Variants in SCRG1 observed in about 807,000 individuals in gnomAD.
SCRG1 encodes scrapie-responsive protein 1.
Under a neutral mutation model 7.7 loss-of-function variants are expected in SCRG1, and 3 were observed. The ratio of observed to expected loss-of-function variants is 0.39; its 90% CI spans 0.18 to 1.01. SCRG1 has a LOEUF of 1.01. Among genes scored for constraint, SCRG1 ranks in the 50% least tolerant of loss-of-function variants. The pLI is 0.36. For missense variants in SCRG1, 110 were observed against 117.2 expected, an observed-to-expected ratio of 0.94 and a Z score of 0.28; for synonymous variants, 46 against 41.2, an observed-to-expected ratio of 1.12 and a Z score of -0.44.
the SCRG1 span, among the ~76,000 whole-genome samples, chr4:173,483,688 T>TGTGATATATCATATATATGATA: frequency 0.042 from 50 of 1,198 alleles, 5 homozygotes; most frequent in African/African-American, 0.044. Flanking sequence ...ATATATTATA[T>TGTGATATATCATATATATGATA]TGTGATATAT....
the SCRG1 span, among the ~76,000 whole-genome samples, chr4:173,492,532 CAA>C: frequency 9.9e-5 from 15 of 152,138 alleles, no homozygotes; most frequent in African/African-American, 2.7e-4. Flanking sequence ...AGTCACGGTT[CAA>C]TACAGGAAAC....
the SCRG1 span, among the ~76,000 whole-genome samples, chr4:173,461,506 G>A: frequency 1.8e-4 from 28 of 152,338 alleles, no homozygotes; most frequent in African/African-American, 5.8e-4. Flanking sequence ...GCATTACTGC[G>A]CTTGGGGTGC....
At chr4:173,425,613 C>T in the SCRG1 span, among the ~76,000 whole-genome samples, 1,220 of 152,280 alleles carry the variant, frequency 8.0e-3, 20 homozygotes, top group African/African-American at 0.027. Flanking sequence ...TCTTTTAGTC[C>T]ACTGGCCCAG....
At chr4:173,483,236 A>T in the SCRG1 span, among the ~76,000 whole-genome samples, 5 of 71,500 alleles carry the variant, frequency 7.0e-5, no homozygotes, top group Admixed American at 9.3e-4. Context: ...ATTATATATA[A>T]TATATGATAT....
chr4:173,485,093 TA>T, the SCRG1 span, among the ~76,000 whole-genome samples: 2 of 11,678 alleles, frequency 1.7e-4, 1 homozygote, highest in Non-Finnish European at 4.0e-4. Flanking sequence ...ATATATTATA[TA>T]TTATATATTA....
the SCRG1 span, among the ~76,000 whole-genome samples, chr4:173,477,317 G>A: frequency 6.6e-6 from 1 of 152,110 alleles, no homozygotes; most frequent in East Asian, 1.9e-4. Flanking sequence ...TTCTTATAAA[G>A]GTGTGACTCA....
chr4:173,407,613 T>C (rs1487061212), upstream of SCRG1, among the ~76,000 whole-genome samples: 1 of 152,220 alleles, frequency 6.6e-6, no homozygotes, highest in East Asian at 1.9e-4. Context: ...AATATCTTTT[T>C]AACATTTATT....
At chr4:173,456,394 T>G in the SCRG1 span, among the ~76,000 whole-genome samples, 1 of 152,212 alleles carries the variant, frequency 6.6e-6, no homozygotes. Context: ...TTTGTGTCAA[T>G]GAATCTGAAG....
At chr4:173,454,033 G>A in the SCRG1 span, among the ~76,000 whole-genome samples, 8 of 150,770 alleles carry the variant, frequency 5.3e-5, no homozygotes, top group East Asian at 1.2e-3. Context: ...AGCCGAGATC[G>A]TGCCACTGCA....
the SCRG1 span, among the ~76,000 whole-genome samples, chr4:173,463,199 G>A: frequency 6.6e-6 from 1 of 152,178 alleles, no homozygotes; most frequent in African/African-American, 2.4e-5. Context: ...TAGGAATAAG[G>A]TTGAAGACCC....
the SCRG1 span, among the ~76,000 whole-genome samples, chr4:173,481,612 C>T: frequency 2.0e-5 from 3 of 152,174 alleles, no homozygotes; most frequent in African/African-American, 7.2e-5. Context: ...GCCTCTGCCA[C>T]CCCTGAGACA....
the SCRG1 span, among the ~76,000 whole-genome samples, chr4:173,477,826 T>A: frequency 2.0e-5 from 3 of 151,592 alleles, no homozygotes; most frequent in Non-Finnish European, 4.4e-5. Flanking sequence ...TGAAGAGCAG[T>A]GGCATAATCA....
At chr4:173,482,191 T>C in the SCRG1 span, among the ~76,000 whole-genome samples, 5 of 152,278 alleles carry the variant, frequency 3.3e-5, no homozygotes, top group Admixed American at 1.3e-4. Context: ...CTGAATGATA[T>C]AGGCCACACT....
the SCRG1 span, among the ~76,000 whole-genome samples, chr4:173,416,261 GCCT>G: frequency 6.6e-6 from 1 of 152,244 alleles, no homozygotes; most frequent in African/African-American, 2.4e-5. Context: ...CCCGACAACG[GCCT>G]CCTCATTTCC....
the SCRG1 span, among the ~76,000 whole-genome samples, chr4:173,462,571 A>G: frequency 6.6e-6 from 1 of 152,224 alleles, no homozygotes; most frequent in Non-Finnish European, 1.5e-5. Flanking sequence ...GAGTACCTCA[A>G]TCAGAAAGAA....
the SCRG1 span, among the ~76,000 whole-genome samples, chr4:173,462,430 C>G: frequency 6.6e-6 from 1 of 152,070 alleles, no homozygotes; most frequent in Non-Finnish European, 1.5e-5. Flanking sequence ...AGAAAAAAAC[C>G]CTCTTGCCCT....
upstream of SCRG1, among the ~76,000 whole-genome samples, chr4:173,407,986 A>G (rs189935167): frequency 2.9e-4 from 44 of 152,366 alleles, no homozygotes; most frequent in Non-Finnish European, 5.0e-4. Flanking sequence ...AAATCTAAAT[A>G]AAAGCATTTT....
At chr4:173,484,436 C>T in the SCRG1 span, among the ~76,000 whole-genome samples, 8 of 50,588 alleles carry the variant, frequency 1.6e-4, no homozygotes, top group South Asian at 7.1e-4. Flanking sequence ...ATATTATATA[C>T]ATATGATATA....
At chr4:173,426,021 G>A in the SCRG1 span, among the ~76,000 whole-genome samples, 1 of 152,178 alleles carries the variant, frequency 6.6e-6, no homozygotes, top group Admixed American at 6.5e-5. Context: ...CAGTTCTCCT[G>A]GGGTAAGTTT....
Sources: allele counts gnomAD v4.1 joint callset (sites outside exome capture counted in the v4.1 genomes callset), GRCh38; gene constraint gnomAD v4.1.1; transcripts MANE v1.5; gene names NCBI Gene and HGNC (gene_info 2026-07-23, HGNC 2026-07-21).